KCNAB2: variants seen among roughly 807,000 people sequenced by gnomAD.
KCNAB2 encodes the protein potassium voltage-gated channel subfamily A regulatory beta subunit 2.
KCNAB2 carries 29 observed loss-of-function variants against 63.6 expected under a neutral mutation model. The observed-to-expected ratio is 0.46, with a 90% CI of 0.34 to 0.62. The LOEUF (loss-of-function observed/expected upper bound fraction) is 0.62, where lower values mean the gene tolerates loss of function less well. Among genes scored for constraint, KCNAB2 ranks in the 20% least tolerant of loss-of-function variants. KCNAB2 has a pLI of 0.01. For synonymous variants in KCNAB2, 222 were observed against 224.2 expected (o/e 0.99, Z 0.09); for missense variants, 359 against 563.9 (o/e 0.64, Z 3.68).
chr1:6,061,785 C>T (rs1304004100), intron 2 of KCNAB2, among the ~76,000 whole-genome samples: 2 of 152,172 alleles, frequency 1.3e-5, no homozygotes, highest in East Asian at 3.8e-4. Context: ...TCCACCCCAC[C>T]TTATTCCAAA....
At chr1:6,012,320 AGATGG>A (rs1658218973) in intron 1 of KCNAB2, among the ~76,000 whole-genome samples, 1 of 30,706 alleles carries the variant, frequency 3.3e-5, no homozygotes. Context: ...GTGGAGGTGG[AGATGG>A]AGGTAGTGGT....
intron 1 of KCNAB2, among the ~76,000 whole-genome samples, chr1:5,993,357 C>T (rs1005265548): frequency 6.6e-6 from 1 of 152,032 alleles, no homozygotes; most frequent in African/African-American, 2.4e-5. Context: ...CTCTCACCAC[C>T]TTACCCTGCT....
At chr1:6,075,600 A>AG (rs1353890355) in intron 4 of KCNAB2, among the ~76,000 whole-genome samples, 2 of 152,138 alleles carry the variant, frequency 1.3e-5, no homozygotes, top group East Asian at 1.9e-4. Context: ...TACATCTAGA[A>AG]GGGGGGGCCC....
intron 2 of KCNAB2, among the ~76,000 whole-genome samples, chr1:6,063,291 G>A (rs913185643): frequency 6.6e-6 from 1 of 152,068 alleles, no homozygotes; most frequent in African/African-American, 2.4e-5. Flanking sequence ...CCAAAGTTCT[G>A]GGATTACAAG....
chr1:6,018,933 G>A (rs1658667821), intron 1 of KCNAB2: 1 of 152,192 alleles, frequency 6.6e-6, no homozygotes, highest in African/African-American at 2.4e-5. Flanking sequence ...CTGAGATTGG[G>A]AACTTTATAT....
In KCNAB2 at chr1:6,051,677, G is replaced by A. The variant is rs1570962589; in HGVS notation, c.141G>A (p.Arg47=). 1.3e-6 allele frequency: 2 copies of A among 1,533,944 alleles called. No individual in the cohort carries two copies. The highest frequency in any genetic ancestry group is 2.4e-5 in the East Asian group (1 of 40,926). ...AGGTGCGGGCGGCTGCCCAGGCCAGGAACATGGAGAGCTTCCTCCGCATGC... is the reference window on the plus strand; with the variant it reads ...AGGTGCGGGCGGCTGCCCAGGCCAGAAACATGGAGAGCTTCCTCCGCATGC... ...LREVRAAAQA[R]NMESFLRMHG... The change falls in exon 2 of 16, where the codon AGG becomes AGA. Residue 47 remains arginine (R), a synonymous_variant. Transcript: ENST00000378083.
intron 2 of KCNAB2, among the ~76,000 whole-genome samples, chr1:6,063,478 C>T (rs950907363): frequency 1.3e-5 from 2 of 149,352 alleles, no homozygotes; most frequent in Admixed American, 1.3e-4. Flanking sequence ...GGCATGATCT[C>T]AGCTCACTGC....
intron 2 of KCNAB2, among the ~76,000 whole-genome samples, chr1:6,068,375 A>T (rs1324499404): frequency 6.6e-6 from 1 of 152,176 alleles, no homozygotes; most frequent in African/African-American, 2.4e-5. Flanking sequence ...TGTGGACCAG[A>T]GTTCAAATCC....
At chr1:6,085,957 C>CGAT (rs1664664189) in intron 6 of KCNAB2, 1 of 985,350 alleles carries the variant, frequency 1.0e-6, no homozygotes, top group African/African-American at 1.7e-5. Context: ...GCCCAAAGGT[C>CGAT]GCAGATCGGG....
chr1:6,092,340 G>T (rs2100772582), intron 10 of KCNAB2, among the ~76,000 whole-genome samples: 1 of 152,320 alleles, frequency 6.6e-6, no homozygotes, highest in African/African-American at 2.4e-5. Flanking sequence ...CCCACCTCAG[G>T]ACAGCCAGAG....
At chr1:6,093,078 G>C (rs536735810) in intron 10 of KCNAB2, among the ~76,000 whole-genome samples, 2 of 152,316 alleles carry the variant, frequency 1.3e-5, no homozygotes, top group African/African-American at 4.8e-5. Context: ...TGCCATTCCA[G>C]GGGGGAGCCT....
Position 6,096,549 on chromosome 1 carries a change from G to A in KCNAB2, c.949-87G>A, listed in dbSNP as rs1270831379. On this transcript the variant is annotated intron_variant, in intron 13 of 15. Transcript: ENST00000378083. This position sits in a 1 kb window ranked among gnomAD's most constrained non-coding sequence, Gnocchi z 5.9. ...CCCTATGAGGGAGAAGGGTCCAGAA[G>A]GAATGAGCCCATCGGCCCCCTGCAC... 2.0e-6 allele frequency: 3 copies of A among 1,485,552 alleles called. No individual in the cohort carries two copies. The East Asian group carries it at 7.1e-5, about 35-fold the overall frequency. The allele number at this position is 1,485,552 out of a possible 1,614,324, so 92.0% of individuals were successfully genotyped here. A position where few individuals can be genotyped will look rare whatever the true frequency, so the allele number is the denominator to read the frequency against.
chr1:6,072,649 AT>A, intron 2 of KCNAB2, 105 bp from the exon 3 acceptor site: 1 of 1,241,246 alleles, frequency 8.1e-7, no homozygotes, highest in Non-Finnish European at 1.2e-6. Flanking sequence ...CCAAACACAC[AT>A]TGACTGTTGG....
intron 1 of KCNAB2, among the ~76,000 whole-genome samples, chr1:6,040,241 C>T (rs753364361): frequency 2.9e-4 from 44 of 152,286 alleles, no homozygotes; most frequent in Non-Finnish European, 5.3e-4. Context: ...GGAAGGACCT[C>T]CACGACATAT....
rs1663355260 is a variant in KCNAB2 at position 6,073,096 on chromosome 1, T to TA, written c.262+299dup. 6.6e-6 allele frequency among the ~76,000 whole-genome samples: 1 copy of TA among 152,104 alleles called. No homozygotes were observed. Among genetic ancestry groups the TA allele is most frequent in the African/African-American group, 2.4e-5 (1 of 41,396 alleles). On this transcript the variant is annotated intron_variant, in intron 3 of 15. Coordinates refer to ENST00000378083, the MANE Select transcript of KCNAB2 (RefSeq NM_001199862.2). This position sits in a 1 kb window ranked among gnomAD's most constrained non-coding sequence, Gnocchi z 5.7. ...CCCACACCACAAAATCAGAGGCCCTTAGGGCCCCGGGAGTGCAACGAAGAC... is the reference window on the plus strand; with the variant it reads ...CCCACACCACAAAATCAGAGGCCCTTAAGGGCCCCGGGAGTGCAACGAAGAC...
chr1:6,037,671 T>C (rs1168990941), intron 1 of KCNAB2, among the ~76,000 whole-genome samples: 10 of 152,198 alleles, frequency 6.6e-5, no homozygotes, highest in Non-Finnish European at 1.0e-4. Context: ...TTTAGTGAGA[T>C]GATTTGATTT....
intron 1 of KCNAB2, among the ~76,000 whole-genome samples, chr1:6,014,957 G>A (rs1658396514): frequency 2.0e-5 from 3 of 149,654 alleles, no homozygotes; most frequent in South Asian, 2.1e-4. Context: ...AGCATGTGCT[G>A]TACACAGCAA....
At chr1:5,996,051 C>A (rs1342929961) in intron 1 of KCNAB2, 1 of 152,358 alleles carries the variant, frequency 6.6e-6, no homozygotes, top group South Asian at 2.1e-4. Flanking sequence ...ACGGGTGACC[C>A]GCCATGTTCA....
At chr1:6,081,851 A>G (rs2100711041) in intron 4 of KCNAB2, among the ~76,000 whole-genome samples, 1 of 152,334 alleles carries the variant, frequency 6.6e-6, no homozygotes, top group East Asian at 1.9e-4. Context: ...TAAGCTTCTA[A>G]GTAGACATGA....
Sources: gnomAD v4.1 joint callset for allele counts (sites outside exome capture counted in the v4.1 genomes callset) on GRCh38, gnomAD v4.1.1 for gene constraint, Gnocchi (gnomAD v3.1) non-coding constraint, MANE v1.5 for transcripts, NCBI Gene and HGNC (gene_info 2026-07-23, HGNC 2026-07-21) for gene names.